Variants in GLIS1 observed in about 807,000 individuals in gnomAD.
GLIS1 encodes the protein GLIS family zinc finger 1.
GLIS1 carries 24 observed loss-of-function variants against 63.8 expected under a neutral mutation model. The observed-to-expected ratio is 0.38, with a 90% confidence interval of 0.27 to 0.53. The LOEUF (loss-of-function observed/expected upper bound fraction) is 0.53, where lower values mean the gene tolerates loss of function less well. Ranked by LOEUF, GLIS1 falls within the 20% of genes least tolerant of loss-of-function variation. GLIS1 has a pLI of 0.85. For missense variants in GLIS1, 1,036 were observed against 1,074.1 expected, an observed-to-expected ratio of 0.96 and a Z score of 0.50; for synonymous variants, 450 against 482.5, an observed-to-expected ratio of 0.93 and a Z score of 0.88.
At chr1:53,732,256 A>G (rs1248265645) in intron 2 of GLIS1, among the ~76,000 whole-genome samples, 1 of 152,196 alleles carries the variant, frequency 6.6e-6, no homozygotes, top group Non-Finnish European at 1.5e-5. Flanking sequence ...AGAAGAAAAC[A>G]TGCTTTAAGT....
At chr1:53,612,969 C>A (rs1007777644) in intron 2 of GLIS1, among the ~76,000 whole-genome samples, 1 of 152,172 alleles carries the variant, frequency 6.6e-6, no homozygotes, top group Non-Finnish European at 1.5e-5. Context: ...CAGGCACCCA[C>A]CACCACGTGC....
At chr1:53,576,224 T>C (rs1234308355) in intron 4 of GLIS1, among the ~76,000 whole-genome samples, 2 of 151,886 alleles carry the variant, frequency 1.3e-5, no homozygotes, top group Non-Finnish European at 2.9e-5. Flanking sequence ...CCTATCCTGG[T>C]CTCCTTCCCC....
intron 4 of GLIS1, among the ~76,000 whole-genome samples, chr1:53,582,077 A>G (rs1435044222): frequency 6.6e-6 from 1 of 152,192 alleles, no homozygotes; most frequent in African/African-American, 2.4e-5. Context: ...CCCTGGCCTC[A>G]CTGTCTCTAC....
chr1:53,654,975 A>G (rs1557504881), intron 2 of GLIS1, among the ~76,000 whole-genome samples: 1 of 152,246 alleles, frequency 6.6e-6, no homozygotes, highest in Non-Finnish European at 1.5e-5. Flanking sequence ...CAGCTTGCTT[A>G]CATGGGGATG....
At chr1:53,662,038 G>A (rs1254192489) in intron 2 of GLIS1, among the ~76,000 whole-genome samples, 2 of 152,138 alleles carry the variant, frequency 1.3e-5, no homozygotes, top group Non-Finnish European at 1.5e-5. Context: ...ATCCCCAGAG[G>A]TATGTAATCA....
At chr1:53,509,760 C>T in intron 9 of GLIS1, 89 bp downstream of exon 9, 1 of 786,842 alleles carries the variant, frequency 1.3e-6, no homozygotes, top group Non-Finnish European at 1.8e-6. Flanking sequence ...TACCTGCCTC[C>T]CCCACTAGGT....
chr1:53,644,853 C>T (rs958928157), intron 2 of GLIS1, among the ~76,000 whole-genome samples: 3 of 152,146 alleles, frequency 2.0e-5, no homozygotes, highest in Non-Finnish European at 2.9e-5. Context: ...TGCAGAGGAG[C>T]GACAGATTCC....
At position 53,732,501 on chromosome 1, in the gene GLIS1, T is replaced by C. The variant is rs77070022; in HGVS notation, c.259+5305A>G. Among the ~76,000 whole-genome samples, 1,339 of 152,240 alleles carry C rather than the reference T, an allele frequency of 8.8e-3. 8 individuals are homozygous for C. The highest frequency in any genetic ancestry group is 0.02 in the Middle Eastern group (6 of 294). ...TTTTTTTTCATTGTAAACTATTAAT[T>C]TGGGCAGTGGCTGCTGATAAACAAG... On this transcript the variant is annotated intron_variant, in intron 2 of 10. Transcript: ENST00000628545.
At chr1:53,654,095 A>G (rs1645937992) in intron 2 of GLIS1, among the ~76,000 whole-genome samples, 1 of 152,224 alleles carries the variant, frequency 6.6e-6, no homozygotes, top group African/African-American at 2.4e-5. Context: ...AGACCTCAGC[A>G]TACCAGCAAT....
chr1:53,551,170 G>A (rs1292410727), intron 4 of GLIS1, among the ~76,000 whole-genome samples: 4 of 152,144 alleles, frequency 2.6e-5, no homozygotes, highest in South Asian at 2.1e-4. Context: ...AGGATCCCCC[G>A]TGTTGAGCCC....
chr1:53,700,196 CAG>C (rs976380124), intron 2 of GLIS1, among the ~76,000 whole-genome samples: 1 of 152,172 alleles, frequency 6.6e-6, no homozygotes, highest in Non-Finnish European at 1.5e-5. Flanking sequence ...GAGGAACCAG[CAG>C]ACGATGGAGT....
Position 53,677,508 on chromosome 1 carries a change from G to A in GLIS1, c.259+60298C>T, listed in dbSNP as rs546359376. ...AGCTCTGCTCCACGGCCTGGCCATT[G>A]AACGCCAGACAGACAGCCAGAGGAA... On this transcript the variant is annotated intron_variant, in intron 2 of 10. Transcript: ENST00000628545. Among the ~76,000 whole-genome samples, 14 of 152,370 alleles carry A rather than the reference G, an allele frequency of 9.2e-5. 1 individual carries two copies. The South Asian group carries it at 1.4e-3, about 16-fold the overall frequency.
intron 2 of GLIS1, among the ~76,000 whole-genome samples, chr1:53,704,842 C>A (rs1046314442): frequency 6.6e-6 from 1 of 152,180 alleles, no homozygotes; most frequent in African/African-American, 2.4e-5. Flanking sequence ...CTCTCTGTAA[C>A]CCTCCACATG....
chr1:53,656,180 T>C (rs542930682), intron 2 of GLIS1, among the ~76,000 whole-genome samples: 9 of 152,096 alleles, frequency 5.9e-5, no homozygotes, highest in Non-Finnish European at 7.4e-5. Context: ...AATCAGCAGA[T>C]GCACCTAGGG....
intron 2 of GLIS1, among the ~76,000 whole-genome samples, chr1:53,641,784 T>G (rs889470333): frequency 2.6e-5 from 4 of 152,184 alleles, no homozygotes; most frequent in African/African-American, 9.6e-5. Context: ...CTCAAGCTTC[T>G]TGGGAAGGAA....
intron 2 of GLIS1, among the ~76,000 whole-genome samples, chr1:53,677,666 C>T (rs1646227990): frequency 6.6e-6 from 1 of 152,272 alleles, no homozygotes; most frequent in South Asian, 2.1e-4. Flanking sequence ...GCCTGGGCCC[C>T]AGTCCGATTG....
rs995870132 is a variant in GLIS1, at chr1:53,526,926, C to T, written c.1483-2039G>A. On this transcript the variant is annotated intron_variant, in intron 5 of 10. Coordinates refer to ENST00000628545, the MANE Select transcript of GLIS1 (RefSeq NM_001367484.1). This position sits in a 1 kb window ranked among gnomAD's most constrained non-coding sequence, Gnocchi z 4.4. Reference sequence around the variant, plus strand: ...TGGCCATGTGGGCTGCAGCGCCGGGCGGCCTCCCTCTGTCTGTAATGAGGA... The same window carrying T: ...TGGCCATGTGGGCTGCAGCGCCGGGTGGCCTCCCTCTGTCTGTAATGAGGA... Among the ~76,000 whole-genome samples, 13 of 152,252 alleles carry T rather than the reference C, an allele frequency of 8.5e-5. No homozygotes were observed. The highest frequency in any genetic ancestry group is 1.8e-4 in the Non-Finnish European group (12 of 68,040).
intron 2 of GLIS1, among the ~76,000 whole-genome samples, chr1:53,732,907 A>G (rs2100578034): frequency 6.6e-6 from 1 of 152,344 alleles, no homozygotes; most frequent in Non-Finnish European, 1.5e-5. Context: ...TGAAAACAGA[A>G]TTCTTTTCCA....
chr1:53,695,623 G>A (rs574557388), intron 2 of GLIS1, among the ~76,000 whole-genome samples: 13 of 152,280 alleles, frequency 8.5e-5, no homozygotes, highest in Non-Finnish European at 1.6e-4. Context: ...CTGTGTCCTG[G>A]GAGGCCCCAG....
Sources: allele counts gnomAD v4.1 joint callset (sites outside exome capture counted in the v4.1 genomes callset), GRCh38; gene constraint gnomAD v4.1.1; non-coding constraint Gnocchi (gnomAD v3.1); transcripts MANE v1.5; gene names NCBI Gene and HGNC (gene_info 2026-07-23, HGNC 2026-07-21).